Variants in GRK5 observed in about 807,000 individuals in gnomAD.
GRK5 encodes G protein-coupled receptor kinase 5, also known as g protein-coupled receptor kinase GRK5.
Under a neutral mutation model 78.4 loss-of-function variants are expected in GRK5, and 40 were observed. The ratio of observed to expected loss-of-function variants is 0.51; its 90% confidence interval spans 0.40 to 0.66. GRK5 has a LOEUF of 0.66. Ranked by LOEUF, GRK5 falls within the 30% of genes least tolerant of loss-of-function variation. The pLI, the probability that GRK5 is intolerant of heterozygous loss-of-function variation, is 0.00. For synonymous variants in GRK5, 289 were observed against 296.8 expected, an observed-to-expected ratio of 0.97 and a Z score of 0.27; for missense variants, 598 against 759.9, an observed-to-expected ratio of 0.79 and a Z score of 2.50.
chr10:119,455,170 C>A lies in GRK5; in HGVS notation c.*103C>A. The A allele has an allele frequency of 2.1e-6, 2 of 941,606 alleles. No homozygotes were observed. Among genetic ancestry groups the A allele is most frequent in the Non-Finnish European group, 3.4e-6 (2 of 582,844 alleles). The allele number at this position is 941,606 out of a possible 1,614,324, so 58.3% of individuals were successfully genotyped here. A position where few individuals can be genotyped will look rare whatever the true frequency, so the allele number is the denominator to read the frequency against. Reference sequence around the variant, plus strand: ...GCTCTGGTGGGGCTGCCAGGGGAGACCCCGGGAGCCGGGGAAGGAGGCCGT... The same window carrying A: ...GCTCTGGTGGGGCTGCCAGGGGAGAACCCGGGAGCCGGGGAAGGAGGCCGT... On this transcript the variant is annotated 3_prime_UTR_variant, in exon 16 of 16. Coordinates refer to ENST00000392870, the MANE Select transcript of GRK5 (RefSeq NM_005308.3).
At position 119,367,061 on chromosome 10, in the gene GRK5, C is replaced by T. The variant is rs186927198; in HGVS notation, c.149-13754C>T. Among the ~76,000 whole-genome samples the T allele has an allele frequency of 2.6e-4, 39 of 152,248 alleles. 1 individual carries two copies. The East Asian group carries it at 7.2e-3, about 28-fold the overall frequency. On this transcript the variant is annotated intron_variant, in intron 2 of 15. Coordinates refer to ENST00000392870, the MANE Select transcript of GRK5 (RefSeq NM_005308.3). Reference sequence around the variant, plus strand: ...TGTGCCTAGCATTGTGCCTGGTACGCAGGAAGCACCTCATTCATGTCAGTT... The same window carrying T: ...TGTGCCTAGCATTGTGCCTGGTACGTAGGAAGCACCTCATTCATGTCAGTT...
At chr10:119,273,078 G>A (rs149759175) in intron 1 of GRK5, among the ~76,000 whole-genome samples, 3 of 152,316 alleles carry the variant, frequency 2.0e-5, no homozygotes, top group Non-Finnish European at 4.4e-5. Context: ...CAAGCCAGTC[G>A]TATTCCATGC....
At chr10:119,263,894 C>T (rs1849452200) in intron 1 of GRK5, among the ~76,000 whole-genome samples, 1 of 152,138 alleles carries the variant, frequency 6.6e-6, no homozygotes, top group Non-Finnish European at 1.5e-5. Flanking sequence ...TGCCACTGCA[C>T]TCCAGCCTGG....
chr10:119,407,572 G>A (rs904113854), intron 4 of GRK5, among the ~76,000 whole-genome samples: 2 of 152,270 alleles, frequency 1.3e-5, no homozygotes, highest in Middle Eastern at 3.2e-3. Flanking sequence ...TGGAAGAGGT[G>A]AGAGAAAATA....
chr10:119,337,797 A>G (rs1194808023), intron 2 of GRK5, among the ~76,000 whole-genome samples: 1 of 151,652 alleles, frequency 6.6e-6, no homozygotes, highest in Non-Finnish European at 1.5e-5. Flanking sequence ...TTTTTTTTAT[A>G]TTTTTAGTAG....
chr10:119,386,922 C>G (rs1851807941), intron 3 of GRK5, among the ~76,000 whole-genome samples: 1 of 152,214 alleles, frequency 6.6e-6, no homozygotes, highest in South Asian at 2.1e-4. Flanking sequence ...TGTTGAATTT[C>G]TACCAAGTGG....
chr10:119,431,410 C>G lies in GRK5; in HGVS notation c.621C>G (p.Ala207=), dbSNP rs775587738. 6.2e-7 allele frequency: 1 copy of G among 1,613,816 alleles called. No individual in the cohort carries two copies. Among genetic ancestry groups the G allele is most frequent in the Non-Finnish European group, 8.5e-7 (1 of 1,179,816 alleles). Residue 207 remains alanine (A), a synonymous_variant, in exon 8 of 16, where the codon GCC becomes GCG. Coordinates refer to ENST00000392870, the MANE Select transcript of GRK5 (RefSeq NM_005308.3). The surrounding 1 kb of genome is among the most constrained non-coding windows in gnomAD (Gnocchi z 4.8). ...FGEVCACQVR[A]TGKMYACKRL... is the part of the protein sequence containing the mutation. ...AGGTCTGTGCCTGCCAGGTTCGGGC[C>G]ACGGGTAAAATGTATGCCTGCAAGC...
At position 119,316,716 on chromosome 10, in the gene GRK5, A is replaced by C. The variant is rs192156328; in HGVS notation, c.53-9800A>C. Among the ~76,000 whole-genome samples, 5 of 152,272 alleles carry C rather than the reference A, an allele frequency of 3.3e-5. No individual in the cohort carries two copies. In the East Asian group the frequency reaches 9.6e-4, roughly 29 times the overall value. On this transcript the variant is annotated intron_variant, in intron 1 of 15. Coordinates refer to ENST00000392870, the MANE Select transcript of GRK5 (RefSeq NM_005308.3). The stretch of plus-strand genomic sequence containing the variant: ...AGTCCCAGATGTGAAGCTGCCATGG[A>C]TGTGCCACCTCCTGGCACATTGGTG...
intron 4 of GRK5, among the ~76,000 whole-genome samples, chr10:119,410,882 A>C (rs1212913474): frequency 6.7e-6 from 1 of 148,754 alleles, no homozygotes. Flanking sequence ...TAAAGAGGCC[A>C]CCTCTGTGAG....
intron 1 of GRK5, among the ~76,000 whole-genome samples, chr10:119,293,803 C>CT (rs1850027275): frequency 6.6e-6 from 1 of 152,118 alleles, no homozygotes; most frequent in African/African-American, 2.4e-5. Flanking sequence ...GGGGTGGTAC[C>CT]CGAGTCTGGA....
chr10:119,450,440 GA>G (rs1853251957), intron 13 of GRK5, among the ~76,000 whole-genome samples: 1 of 152,212 alleles, frequency 6.6e-6, no homozygotes, highest in African/African-American at 2.4e-5. Context: ...CCCTTAAATA[GA>G]AGTAGAAATA....
chr10:119,234,817 C>T (rs1347502661), intron 1 of GRK5, among the ~76,000 whole-genome samples: 1 of 151,744 alleles, frequency 6.6e-6, no homozygotes, highest in Non-Finnish European at 1.5e-5. Flanking sequence ...CTCAGCCTCC[C>T]GAATACCTGG....
At chr10:119,359,341 T>C (rs1414163436) in intron 2 of GRK5, among the ~76,000 whole-genome samples, 1 of 152,198 alleles carries the variant, frequency 6.6e-6, no homozygotes, top group Non-Finnish European at 1.5e-5. Context: ...GAGCTGTAGC[T>C]GTTTTCCAGG....
intron 2 of GRK5, among the ~76,000 whole-genome samples, chr10:119,330,946 G>A (rs1175759337): frequency 1.3e-5 from 2 of 152,132 alleles, no homozygotes; most frequent in Non-Finnish European, 2.9e-5. Context: ...GCTTCAACTT[G>A]GGAGGCGGAG....
rs187053208 is a variant in GRK5, at chr10:119,371,500, G to T, written c.149-9315G>T. The stretch of plus-strand genomic sequence containing the variant: ...TCATTCCTGTTTCTCAGTCCGCTGG[G>T]GGTATGAGTCTTGAAGGAATTGACT... On this transcript the variant is annotated intron_variant, in intron 2 of 15. Transcript: ENST00000392870. 2.6e-3 allele frequency among the ~76,000 whole-genome samples: 392 copies of T among 152,350 alleles called. 7 individuals are homozygous for T. The highest frequency in any genetic ancestry group is 6.6e-4 in the Non-Finnish European group (45 of 68,034).
At chr10:119,414,397 G>C (rs188779497) in intron 4 of GRK5, among the ~76,000 whole-genome samples, 1 of 152,328 alleles carries the variant, frequency 6.6e-6, no homozygotes, top group African/African-American at 2.4e-5. Flanking sequence ...GTGTGAGAGA[G>C]AGAGACACAT....
chr10:119,364,887 T>G (rs1452954125), intron 2 of GRK5, among the ~76,000 whole-genome samples: 1 of 152,244 alleles, frequency 6.6e-6, no homozygotes, highest in East Asian at 1.9e-4. Context: ...ATGGGTTACA[T>G]TTTTAGACCA....
chr10:119,306,349 C>T (rs1392297437), intron 1 of GRK5, among the ~76,000 whole-genome samples: 3 of 152,322 alleles, frequency 2.0e-5, no homozygotes, highest in East Asian at 1.9e-4. Context: ...CGATAAACTT[C>T]AGTGCCTGGA....
chr10:119,248,888 C>T (rs1022674853), intron 1 of GRK5, among the ~76,000 whole-genome samples: 1 of 152,034 alleles, frequency 6.6e-6, no homozygotes, highest in Non-Finnish European at 1.5e-5. Flanking sequence ...GAATATTTAC[C>T]ATCTGGCCTT....
Sources: allele counts gnomAD v4.1 joint callset (sites outside exome capture counted in the v4.1 genomes callset), GRCh38; gene constraint gnomAD v4.1.1; non-coding constraint Gnocchi (gnomAD v3.1); transcripts MANE v1.5; gene names NCBI Gene and HGNC (gene_info 2026-07-23, HGNC 2026-07-21).